SMCO4: variants seen among roughly 807,000 people sequenced by gnomAD.
SMCO4 encodes single-pass membrane protein with coiled-coil domains 4.
In SMCO4, 4 loss-of-function variants were observed where a neutral mutation model predicts 3.6. The ratio of observed to expected loss-of-function variants is 1.11; its 90% CI spans 0.54 to 2.53. SMCO4 has a LOEUF of 2.53. Among genes scored for constraint, SMCO4 ranks in the 30% most tolerant of loss-of-function variants. The pLI, the probability that SMCO4 is intolerant of heterozygous loss-of-function variation, is 0.02. For synonymous variants in SMCO4, 36 were observed against 35.3 expected (o/e 1.02, Z -0.07); for missense variants, 70 against 80.8 (o/e 0.87, Z 0.51).
chr11:93,512,214 A>G (rs546909857), intron 1 of SMCO4, among the ~76,000 whole-genome samples: 4 of 152,338 alleles, frequency 2.6e-5, no homozygotes, highest in African/African-American at 9.6e-5. Flanking sequence ...GTGTACAGTC[A>G]CGCACCACAT....
chr11:93,543,718 G>T (rs937071265), upstream of SMCO4, among the ~76,000 whole-genome samples: 1 of 152,242 alleles, frequency 6.6e-6, no homozygotes, highest in Admixed American at 6.5e-5. Flanking sequence ...ATCGGAAAGG[G>T]GATAGTTGGA....
chr11:93,507,291 T>G (rs1948915463), intron 1 of SMCO4, among the ~76,000 whole-genome samples: 1 of 152,040 alleles, frequency 6.6e-6, no homozygotes, highest in Non-Finnish European at 1.5e-5. Flanking sequence ...TCCCAGTTAC[T>G]CGGGAGGCTG....
chr11:93,534,280 A>G lies in SMCO4; in HGVS notation c.-154+8996T>C, dbSNP rs550225490. On this transcript the variant is annotated intron_variant, in intron 1 of 2. Coordinates refer to ENST00000298966, the MANE Select transcript of SMCO4 (RefSeq NM_020179.3). ...CACACACAAACACATATATATATAC[A>G]TATATACACACACACATATATATAC... Among the ~76,000 whole-genome samples, 47 of 148,574 alleles carry G rather than the reference A, an allele frequency of 3.2e-4. 1 individual carries two copies. The highest frequency in any genetic ancestry group is 1.1e-3 in the African/African-American group (45 of 40,200).
chr11:93,488,803 A>G (rs928744399), intron 2 of SMCO4, among the ~76,000 whole-genome samples: 3 of 152,120 alleles, frequency 2.0e-5, no homozygotes, highest in Non-Finnish European at 4.4e-5. Flanking sequence ...GAGTGTGTGC[A>G]GAGTAGGGGA....
At chr11:93,518,760 G>A (rs952131332) in intron 1 of SMCO4, among the ~76,000 whole-genome samples, 2 of 152,076 alleles carry the variant, frequency 1.3e-5, no homozygotes, top group African/African-American at 4.8e-5. Flanking sequence ...GTATCTCCAG[G>A]ATATTTTTAA....
chr11:93,535,828 T>A, intron 1 of SMCO4: 2 of 1,594,548 alleles, frequency 1.3e-6, no homozygotes, highest in South Asian at 2.2e-5. Flanking sequence ...GTAAAGGACA[T>A]ACATTTCCTG....
At chr11:93,493,619 A>C (rs532365117) in intron 2 of SMCO4, among the ~76,000 whole-genome samples, 1 of 152,246 alleles carries the variant, frequency 6.6e-6, no homozygotes, top group African/African-American at 2.4e-5. Context: ...CCCATGTCTG[A>C]TCTTAGTCCT....
At chr11:93,480,034 G>A (rs1439549004) in intron 2 of SMCO4, among the ~76,000 whole-genome samples, 10 of 152,210 alleles carry the variant, frequency 6.6e-5, no homozygotes, top group African/African-American at 2.4e-4. Context: ...AACAGGTGAA[G>A]TAGAACTTTC....
At chr11:93,509,968 T>C (rs1482553617) in intron 1 of SMCO4, among the ~76,000 whole-genome samples, 2 of 152,098 alleles carry the variant, frequency 1.3e-5, no homozygotes, top group African/African-American at 4.8e-5. Context: ...CAAAAACCTA[T>C]TGGAATAAAA....
chr11:93,513,819 C>T lies in SMCO4; in HGVS notation c.-153-14471G>A, dbSNP rs117213118. On this transcript the variant is annotated intron_variant, in intron 1 of 2. Transcript: ENST00000298966. ...AGGAATGCATTTTCCCAGACTGCTC[C>T]GTGAGGGGGACAGCCTTTCTGAACC... is the stretch of plus-strand genomic sequence containing the variant. Among the ~76,000 whole-genome samples the T allele has an allele frequency of 3.5e-3, 529 of 152,300 alleles. 16 individuals are homozygous for T. The East Asian group carries it at 0.073, about 21-fold the overall frequency.
At chr11:93,537,035 C>T (rs1316322944) in intron 1 of SMCO4, among the ~76,000 whole-genome samples, 2 of 152,238 alleles carry the variant, frequency 1.3e-5, no homozygotes, top group African/African-American at 4.8e-5. Context: ...CAAACCAGTC[C>T]TACCCTGAAC....
chr11:93,503,119 C>T lies in SMCO4; in HGVS notation c.-153-3771G>A, dbSNP rs74630672. On this transcript the variant is annotated intron_variant, in intron 1 of 2. Coordinates refer to ENST00000298966, the MANE Select transcript of SMCO4 (RefSeq NM_020179.3). ...GGCTGAATAATGGCCCCAGAGAGGT[C>T]AGGTCCTGTATCAGTCCATTTTCAC... 2.0e-5 allele frequency among the ~76,000 whole-genome samples: 3 copies of T among 152,262 alleles called. No homozygotes were observed. In the East Asian group the frequency reaches 5.8e-4, roughly 29 times the overall value.
chr11:93,539,131 A>G (rs890624349), intron 1 of SMCO4, among the ~76,000 whole-genome samples: 2 of 152,198 alleles, frequency 1.3e-5, no homozygotes, highest in African/African-American at 4.8e-5. Flanking sequence ...TAGCATGATC[A>G]GCCTCCCAGA....
At chr11:93,518,629 C>G (rs1949030499) in intron 1 of SMCO4, among the ~76,000 whole-genome samples, 2 of 152,176 alleles carry the variant, frequency 1.3e-5, no homozygotes, top group African/African-American at 4.8e-5. Context: ...GATAACCAGT[C>G]TCATCTCATT....
At chr11:93,507,712 T>G (rs1458391463) in intron 1 of SMCO4, among the ~76,000 whole-genome samples, 1 of 152,208 alleles carries the variant, frequency 6.6e-6, no homozygotes, top group Non-Finnish European at 1.5e-5. Flanking sequence ...TACACCTGGG[T>G]CAAGTTCTGA....
intron 1 of SMCO4, among the ~76,000 whole-genome samples, chr11:93,516,813 A>G (rs1320215396): frequency 1.3e-5 from 2 of 150,934 alleles, no homozygotes; most frequent in Non-Finnish European, 3.0e-5. Context: ...AAGAAAAAAA[A>G]GTAGAGAGAG....
At chr11:93,527,916 T>C (rs1178592231) in intron 1 of SMCO4, among the ~76,000 whole-genome samples, 2 of 152,200 alleles carry the variant, frequency 1.3e-5, no homozygotes, top group Admixed American at 1.3e-4. Flanking sequence ...GCTGGGCCTA[T>C]AGGTACAAGT....
At chr11:93,545,058 G>A (rs941049363), upstream of SMCO4, among the ~76,000 whole-genome samples, 1 of 152,202 alleles carries the variant, frequency 6.6e-6, no homozygotes, top group Non-Finnish European at 1.5e-5. Flanking sequence ...AAATTAGCAA[G>A]CCTCAAGGTT....
At chr11:93,532,616 G>C (rs1949174178) in intron 1 of SMCO4, among the ~76,000 whole-genome samples, 1 of 152,158 alleles carries the variant, frequency 6.6e-6, no homozygotes, top group African/African-American at 2.4e-5. Flanking sequence ...TATTGGTTCT[G>C]TCTCTCTGGA....
Sources: allele counts gnomAD v4.1 joint callset (sites outside exome capture counted in the v4.1 genomes callset), GRCh38; gene constraint gnomAD v4.1.1; transcripts MANE v1.5; gene names NCBI Gene and HGNC (gene_info 2026-07-23, HGNC 2026-07-21).